TAFA5: variants seen among roughly 807,000 people sequenced by gnomAD.
TAFA5 encodes TAFA chemokine like family member 5.
In TAFA5, 6 loss-of-function variants were observed where a neutral mutation model predicts 15.3. The ratio of observed to expected loss-of-function variants is 0.39; its 90% CI spans 0.21 to 0.77. TAFA5 has a LOEUF of 0.77. TAFA5 is among the 30% of genes least tolerant of loss of function. TAFA5 has a pLI of 0.41. For synonymous variants in TAFA5, 103 were observed against 80.7 expected (o/e 1.28, Z -1.48); for missense variants, 161 against 193.1 (o/e 0.83, Z 0.98).
At chr22:48,691,026 C>T (rs560552670) in intron 2 of TAFA5, among the ~76,000 whole-genome samples, 4 of 152,208 alleles carry the variant, frequency 2.6e-5, no homozygotes, top group East Asian at 1.9e-4. Context: ...TCCTGAGCGC[C>T]GTCAATCTCC....
intron 2 of TAFA5, among the ~76,000 whole-genome samples, chr22:48,693,745 G>T (rs1928614698): frequency 1.3e-5 from 2 of 152,112 alleles, no homozygotes; most frequent in African/African-American, 4.8e-5. Context: ...GTTTCTGAGG[G>T]CCTCCCCCAA....
chr22:48,610,028 C>T (rs2147172710), intron 1 of TAFA5, among the ~76,000 whole-genome samples: 1 of 152,310 alleles, frequency 6.6e-6, no homozygotes, highest in Non-Finnish European at 1.5e-5. Context: ...AGTTACAGGC[C>T]TCAGGGGTTA....
chr22:48,508,060 C>G (rs970075458), intron 1 of TAFA5, among the ~76,000 whole-genome samples: 1 of 152,106 alleles, frequency 6.6e-6, no homozygotes, highest in Non-Finnish European at 1.5e-5. Flanking sequence ...TAGAGCCGCC[C>G]GCTTGCAGAG....
At chr22:48,631,345 G>A (rs1269939970) in intron 1 of TAFA5, among the ~76,000 whole-genome samples, 2 of 152,212 alleles carry the variant, frequency 1.3e-5, no homozygotes, top group East Asian at 3.9e-4. Flanking sequence ...TGAGGGCCAC[G>A]CTGGACACAC....
intron 1 of TAFA5, among the ~76,000 whole-genome samples, chr22:48,626,581 A>G (rs116479373): frequency 1.6e-4 from 24 of 152,274 alleles, no homozygotes; most frequent in African/African-American, 5.5e-4. Context: ...TGCCCTCCAG[A>G]TAACAATTCT....
chr22:48,706,229 G>T (rs777326287), intron 2 of TAFA5, among the ~76,000 whole-genome samples: 6 of 152,206 alleles, frequency 3.9e-5, no homozygotes, highest in Admixed American at 2.6e-4. Context: ...CCAGGAAGGA[G>T]GGACCCAAAG....
chr22:48,678,968 GT>G (rs1928072592), intron 2 of TAFA5, among the ~76,000 whole-genome samples: 1 of 133,076 alleles, frequency 7.5e-6, no homozygotes, highest in Non-Finnish European at 1.6e-5. Flanking sequence ...TCCCTCTCCC[GT>G]CTCCCCGTCC....
At chr22:48,631,690 C>A (rs536370981) in intron 1 of TAFA5, among the ~76,000 whole-genome samples, 2 of 152,330 alleles carry the variant, frequency 1.3e-5, no homozygotes, top group African/African-American at 4.8e-5. Context: ...GTTGCTCTTG[C>A]CCGACCACAG....
chr22:48,610,491 G>A (rs528698634), intron 1 of TAFA5, among the ~76,000 whole-genome samples: 6 of 152,318 alleles, frequency 3.9e-5, no homozygotes, highest in African/African-American at 9.6e-5. Context: ...GCTGGCTCCC[G>A]GGGTGGTGAG....
chr22:48,491,507 C>T (rs1928153959), intron 1 of TAFA5, among the ~76,000 whole-genome samples: 1 of 152,184 alleles, frequency 6.6e-6, no homozygotes, highest in Non-Finnish European at 1.5e-5. Flanking sequence ...ACACCTCACC[C>T]CCAACCCCCA....
At chr22:48,572,148 A>C (rs1423929742) in intron 1 of TAFA5, among the ~76,000 whole-genome samples, 1 of 152,230 alleles carries the variant, frequency 6.6e-6, no homozygotes, top group Middle Eastern at 3.2e-3. Context: ...TCAAGTGTAG[A>C]GTATGCACAG....
chr22:48,540,619 G>A (rs1173894352), intron 1 of TAFA5, among the ~76,000 whole-genome samples: 1 of 140,378 alleles, frequency 7.1e-6, no homozygotes, highest in African/African-American at 2.5e-5. Flanking sequence ...TGCCTCAAAT[G>A]CATCTTTTGT....
chr22:48,578,245 A>C (rs1162316557), intron 1 of TAFA5, among the ~76,000 whole-genome samples: 2 of 152,200 alleles, frequency 1.3e-5, no homozygotes, highest in Non-Finnish European at 2.9e-5. Flanking sequence ...GTGAAGTTCC[A>C]CTGACTTTGA....
At chr22:48,608,174 A>G (rs1304467588) in intron 1 of TAFA5, among the ~76,000 whole-genome samples, 1 of 120,320 alleles carries the variant, frequency 8.3e-6, no homozygotes, top group Admixed American at 7.6e-5. Flanking sequence ...AAGACCCACC[A>G]CCGACGCTGA....
chr22:48,731,571 C>T (rs896201640), intron 3 of TAFA5, among the ~76,000 whole-genome samples: 2 of 152,192 alleles, frequency 1.3e-5, no homozygotes, highest in African/African-American at 2.4e-5. Context: ...TTCTGAAAAC[C>T]CCAGGTCCTT....
intron 1 of TAFA5, among the ~76,000 whole-genome samples, chr22:48,596,415 C>T (rs1014031245): frequency 2.0e-5 from 3 of 152,226 alleles, no homozygotes; most frequent in African/African-American, 7.2e-5. Context: ...CTCAGCGCAG[C>T]ACATTCTCAA....
chr22:48,686,200 C>A (rs1928348718), intron 2 of TAFA5, among the ~76,000 whole-genome samples: 1 of 152,176 alleles, frequency 6.6e-6, no homozygotes, highest in South Asian at 2.1e-4. Flanking sequence ...GGGGTCTCTG[C>A]CCAGGAGGGG....
At chr22:48,584,828 C>T (rs566583711) in intron 1 of TAFA5, among the ~76,000 whole-genome samples, 22 of 149,410 alleles carry the variant, frequency 1.5e-4, no homozygotes, top group African/African-American at 4.4e-4. Context: ...CGCATACACA[C>T]GTATACAACA....
At chr22:48,689,132 G>A (rs938490921) in intron 2 of TAFA5, among the ~76,000 whole-genome samples, 12 of 152,126 alleles carry the variant, frequency 7.9e-5, no homozygotes, top group Admixed American at 2.6e-4. Context: ...GGAGGACCCC[G>A]TACTCACAGA....
Sources: gnomAD v4.1 joint callset for allele counts (sites outside exome capture counted in the v4.1 genomes callset) on GRCh38, gnomAD v4.1.1 for gene constraint, MANE v1.5 for transcripts, NCBI Gene and HGNC (gene_info 2026-07-23, HGNC 2026-07-21) for gene names.